DLGAP2: variants seen among roughly 807,000 people sequenced by gnomAD.
The protein encoded by DLGAP2 is DLG associated protein 2.
DLGAP2 carries 26 observed loss-of-function variants against 100.3 expected under a neutral mutation model. The ratio of observed to expected loss-of-function variants is 0.26; its 90% CI spans 0.19 to 0.36. The LOEUF (loss-of-function observed/expected upper bound fraction) is 0.36. DLGAP2 is among the 10% of genes least tolerant of loss of function. The pLI is 1.00. For synonymous variants in DLGAP2, 886 were observed against 630.1 expected, an observed-to-expected ratio of 1.41 and a Z score of -6.08; for missense variants, 1,858 against 1,453.2, an observed-to-expected ratio of 1.28 and a Z score of -4.53.
At chr8:1,293,107 G>A (rs984522552) in intron 3 of DLGAP2, among the ~76,000 whole-genome samples, 1 of 152,082 alleles carries the variant, frequency 6.6e-6, no homozygotes, top group Admixed American at 6.6e-5. Context: ...TCATGAGCAG[G>A]GTCTGCATTT....
chr8:869,318 G>A lies in DLGAP2; in HGVS notation c.19-38594G>A, dbSNP rs529607437. ...ACCACATTTGATGAAGTGAGTTGAA[G>A]GTACTTGTTTCCGTTACAAGAGTCA... On this transcript the variant is annotated intron_variant, in intron 1 of 14. Coordinates refer to ENST00000637795, the MANE Select transcript of DLGAP2 (RefSeq NM_001346810.2). Among the ~76,000 whole-genome samples, 148 of 152,272 alleles carry A rather than the reference G, an allele frequency of 9.7e-4. 2 individuals carry two copies. The highest frequency in any genetic ancestry group is 3.5e-3 in the African/African-American group (147 of 41,552).
chr8:1,152,278 T>C (rs1370759555), intron 2 of DLGAP2, among the ~76,000 whole-genome samples: 1 of 152,270 alleles, frequency 6.6e-6, no homozygotes, highest in Non-Finnish European at 1.5e-5. Context: ...TTCAGACTTT[T>C]GCCTTTTTAT....
intron 6 of DLGAP2, among the ~76,000 whole-genome samples, chr8:1,624,981 A>T (rs999725183): frequency 1.3e-5 from 2 of 152,158 alleles, no homozygotes; most frequent in Admixed American, 6.5e-5. Context: ...TAGCAGAAAG[A>T]ATGACTTTAA....
At chr8:1,034,048 G>C (rs865847933) in intron 2 of DLGAP2, among the ~76,000 whole-genome samples, 1 of 85,572 alleles carries the variant, frequency 1.2e-5, no homozygotes, top group Non-Finnish European at 2.4e-5. Context: ...TCCCGACCCC[G>C]CGTGTCACCG....
At chr8:1,168,136 G>C (rs1341168560) in intron 2 of DLGAP2, among the ~76,000 whole-genome samples, 2 of 147,710 alleles carry the variant, frequency 1.4e-5, no homozygotes, top group Non-Finnish European at 3.0e-5. Context: ...GCGGTGTTTG[G>C]TTTTTTGTTC....
intron 1 of DLGAP2, among the ~76,000 whole-genome samples, chr8:824,106 C>T (rs554214248): frequency 1.3e-5 from 2 of 151,806 alleles, no homozygotes; most frequent in Admixed American, 1.3e-4. Flanking sequence ...TTCTTTTCTC[C>T]CTCTGTCACT....
intron 2 of DLGAP2, among the ~76,000 whole-genome samples, chr8:1,012,145 G>A (rs1801308295): frequency 6.6e-6 from 1 of 152,144 alleles, no homozygotes; most frequent in East Asian, 1.9e-4. Flanking sequence ...GTATCCCCTT[G>A]CTAGGCTGTG....
At chr8:916,413 A>T (rs181097546) in intron 2 of DLGAP2, among the ~76,000 whole-genome samples, 1 of 152,326 alleles carries the variant, frequency 6.6e-6, no homozygotes, top group Non-Finnish European at 1.5e-5. Context: ...CATTCTCAGC[A>T]ACTATTGCAA....
intron 4 of DLGAP2, among the ~76,000 whole-genome samples, chr8:1,513,027 A>G (rs570319150): frequency 6.6e-6 from 1 of 151,940 alleles, no homozygotes; most frequent in East Asian, 1.9e-4. Flanking sequence ...GCAGAGGAGG[A>G]TGGAAGAGGC....
intron 8 of DLGAP2, among the ~76,000 whole-genome samples, chr8:1,652,861 T>A (rs1258733943): frequency 6.6e-6 from 1 of 152,124 alleles, no homozygotes; most frequent in Non-Finnish European, 1.5e-5. Context: ...GCCTCCTTGG[T>A]CTATGTATCA....
At chr8:1,477,315 C>A (rs1798963062) in intron 3 of DLGAP2, among the ~76,000 whole-genome samples, 1 of 152,136 alleles carries the variant, frequency 6.6e-6, no homozygotes, top group Admixed American at 6.5e-5. Context: ...TGTCCCAGGC[C>A]ATGTTGGTGG....
chr8:810,276 T>A (rs1796347977), intron 1 of DLGAP2, among the ~76,000 whole-genome samples: 1 of 152,272 alleles, frequency 6.6e-6, no homozygotes, highest in African/African-American at 2.4e-5. Flanking sequence ...CTTGACAATT[T>A]AATATTGCTC....
chr8:1,163,628 C>G (rs996492559), intron 2 of DLGAP2, among the ~76,000 whole-genome samples: 3 of 152,174 alleles, frequency 2.0e-5, no homozygotes, highest in African/African-American at 4.8e-5. Flanking sequence ...GCGCAGGGCC[C>G]GGGAGAGGCT....
intron 1 of DLGAP2, among the ~76,000 whole-genome samples, chr8:895,007 A>C (rs1798116902): frequency 5.0e-5 from 1 of 20,096 alleles, no homozygotes; most frequent in African/African-American, 2.0e-4. Context: ...GGTGGCTGGC[A>C]GGGCAGGGTG....
intron 1 of DLGAP2, among the ~76,000 whole-genome samples, chr8:747,233 C>T (rs930767066): frequency 7.9e-5 from 12 of 152,268 alleles, no homozygotes; most frequent in Admixed American, 1.3e-4. Flanking sequence ...CGTCATACTT[C>T]TGAGTCTTAC....
intron 3 of DLGAP2, among the ~76,000 whole-genome samples, chr8:1,467,559 G>A (rs1798662033): frequency 6.6e-6 from 1 of 152,176 alleles, no homozygotes; most frequent in Non-Finnish European, 1.5e-5. Flanking sequence ...CTGAGTGGAT[G>A]GGAGACCACG....
chr8:1,359,641 G>A (rs1801933690), intron 3 of DLGAP2, among the ~76,000 whole-genome samples: 1 of 152,250 alleles, frequency 6.6e-6, no homozygotes, highest in Admixed American at 6.5e-5. Context: ...GTCCCTGTGG[G>A]TGATGCGGTG....
chr8:1,593,670 C>T (rs996858584), intron 6 of DLGAP2, among the ~76,000 whole-genome samples: 1 of 149,800 alleles, frequency 6.7e-6, no homozygotes, highest in African/African-American at 2.4e-5. Context: ...TTAGCACATC[C>T]AGCACCCCAA....
At chr8:982,349 G>C (rs1040511642) in intron 2 of DLGAP2, among the ~76,000 whole-genome samples, 1 of 152,174 alleles carries the variant, frequency 6.6e-6, no homozygotes, top group African/African-American at 2.4e-5. Context: ...TTTTCAACTA[G>C]ACTCAAGAGC....
Sources: allele counts gnomAD v4.1 joint callset (sites outside exome capture counted in the v4.1 genomes callset), GRCh38; gene constraint gnomAD v4.1.1; transcripts MANE v1.5; gene names NCBI Gene and HGNC (gene_info 2026-07-23, HGNC 2026-07-21).